The following FAM13C variants were observed in gnomAD, a reference collection of about 807,000 sequenced individuals.
FAM13C encodes the protein protein FAM13C.
Under a neutral mutation model 73.2 loss-of-function variants are expected in FAM13C, and 37 were observed. The ratio of observed to expected loss-of-function variants is 0.51; its 90% confidence interval spans 0.39 to 0.67. FAM13C has a LOEUF of 0.67. Ranked by LOEUF, FAM13C falls within the 30% of genes least tolerant of loss-of-function variation. FAM13C has a pLI of 0.00. For synonymous variants in FAM13C, 246 were observed against 260.9 expected (o/e 0.94, Z 0.55); for missense variants, 589 against 715.6 (o/e 0.82, Z 2.02).
chr10:59,319,466 A>T (rs894214733), intron 4 of FAM13C, among the ~76,000 whole-genome samples: 7 of 152,250 alleles, frequency 4.6e-5, no homozygotes, highest in African/African-American at 1.7e-4. Flanking sequence ...AATATTTTAA[A>T]TATAAGTGAG....
chr10:59,337,220 G>A (rs1472668718), intron 3 of FAM13C, among the ~76,000 whole-genome samples: 1 of 152,196 alleles, frequency 6.6e-6, no homozygotes, highest in East Asian at 1.9e-4. Context: ...AAATTAGCAA[G>A]GAAGAACTGT....
At chr10:59,332,461 G>T (rs1340712146) in intron 3 of FAM13C, among the ~76,000 whole-genome samples, 2 of 152,080 alleles carry the variant, frequency 1.3e-5, no homozygotes, top group Non-Finnish European at 1.5e-5. Flanking sequence ...ATGCAGAGTG[G>T]GTTGTCATGG....
intron 3 of FAM13C, among the ~76,000 whole-genome samples, chr10:59,341,517 G>A (rs1021451217): frequency 1.3e-5 from 2 of 151,978 alleles, no homozygotes; most frequent in Admixed American, 6.5e-5. Context: ...GAGAAACCCC[G>A]TCTCTACTGA....
chr10:59,331,798 A>T (rs1160174977), intron 3 of FAM13C, among the ~76,000 whole-genome samples: 1 of 152,248 alleles, frequency 6.6e-6, no homozygotes, highest in Non-Finnish European at 1.5e-5. Context: ...AGACCTGGTG[A>T]TTGACAGGAT....
intron 3 of FAM13C, among the ~76,000 whole-genome samples, chr10:59,350,114 G>T (rs919975504): frequency 6.6e-6 from 1 of 152,118 alleles, no homozygotes; most frequent in African/African-American, 2.4e-5. Flanking sequence ...GTCTTGCTTG[G>T]AATGGAAAGC....
chr10:59,299,238 A>T (rs974883057), intron 5 of FAM13C, among the ~76,000 whole-genome samples: 1 of 152,190 alleles, frequency 6.6e-6, no homozygotes, highest in African/African-American at 2.4e-5. Flanking sequence ...CAAATGTACA[A>T]TTATTATTTG....
intron 5 of FAM13C, among the ~76,000 whole-genome samples, chr10:59,298,184 G>A (rs1847144527): frequency 6.6e-6 from 1 of 152,166 alleles, no homozygotes; most frequent in Non-Finnish European, 1.5e-5. Context: ...GATAGTGATG[G>A]TCAATGCCAG....
chr10:59,269,958 C>A lies in FAM13C; in HGVS notation c.744G>T (p.Gln248His). ...SPRCSIFSQS[Q>H]RFNLDPESAP... The stretch of plus-strand genomic sequence containing the variant: ...CTGACTCGGGGTCTAAGTTGAATCT[C>A]TGGCTTTGGCTGAAGATGGAGCATC... Residue 248 changes from glutamine (Q) to histidine (H), a missense_variant, in exon 7 of 14, where the codon CAG becomes CAT. Gln to His is a conservative substitution (Grantham distance 24, BLOSUM62 0). Transcript: ENST00000618804. 1 of 1,613,996 alleles carries A rather than the reference C, an allele frequency of 6.2e-7. No homozygotes were observed.
intron 5 of FAM13C, among the ~76,000 whole-genome samples, chr10:59,294,210 C>G (rs1589492193): frequency 1.3e-5 from 2 of 152,326 alleles, no homozygotes; most frequent in East Asian, 3.9e-4. Context: ...CCCCGGGAGC[C>G]ACTGAACTGG....
At chr10:59,286,794 G>A (rs1479456090) in intron 5 of FAM13C, among the ~76,000 whole-genome samples, 1 of 151,486 alleles carries the variant, frequency 6.6e-6, no homozygotes, top group African/African-American at 2.4e-5. Flanking sequence ...AGCACTTTGG[G>A]AGGTCAAGGC....
chr10:59,279,433 C>A (rs1333344209), intron 6 of FAM13C, among the ~76,000 whole-genome samples: 3 of 152,062 alleles, frequency 2.0e-5, no homozygotes. Flanking sequence ...TAGTGTCTTA[C>A]CCAAATTGAA....
intron 4 of FAM13C, among the ~76,000 whole-genome samples, chr10:59,320,144 A>T (rs1850029280): frequency 6.6e-6 from 1 of 152,212 alleles, no homozygotes; most frequent in Non-Finnish European, 1.5e-5. Context: ...TCTACTCCTC[A>T]GCTCCAGCTA....
Position 59,265,659 on chromosome 10 carries a change from A to T in FAM13C, c.943-1493T>A, listed in dbSNP as rs558960624. On this transcript the variant is annotated intron_variant, in intron 8 of 13. Transcript: ENST00000618804. ...ACACAAAATCCTAAGGCCTTAAGCCAGTGACTGCAAAAGAAATAAGTTTTT... is the reference window on the plus strand; with the variant it reads ...ACACAAAATCCTAAGGCCTTAAGCCTGTGACTGCAAAAGAAATAAGTTTTT... 8.6e-4 allele frequency among the ~76,000 whole-genome samples: 131 copies of T among 152,322 alleles called. 3 individuals carry two copies. Among genetic ancestry groups the T allele is most frequent in the Non-Finnish European group, 1.3e-3 (90 of 68,014 alleles).
chr10:59,340,178 A>G (rs187888580), intron 3 of FAM13C, among the ~76,000 whole-genome samples: 4 of 152,340 alleles, frequency 2.6e-5, no homozygotes, highest in Admixed American at 2.6e-4. Flanking sequence ...ACAGGAAAAT[A>G]ATGCTCAAGA....
chr10:59,287,579 G>A (rs183132430), intron 5 of FAM13C, among the ~76,000 whole-genome samples: 156 of 152,102 alleles, frequency 1.0e-3, no homozygotes, highest in African/African-American at 3.5e-3. Context: ...CCCACAGAAC[G>A]AGAGGGAATG....
intron 5 of FAM13C, chr10:59,283,799 T>C (rs752468194): frequency 8.1e-6 from 4 of 493,036 alleles, no homozygotes; most frequent in Non-Finnish European, 1.1e-5. Flanking sequence ...TCTGAGAAGA[T>C]ATCTGCTTCC....
At chr10:59,267,792 T>C (rs1224367902) in intron 8 of FAM13C, among the ~76,000 whole-genome samples, 1 of 152,190 alleles carries the variant, frequency 6.6e-6, no homozygotes, top group Non-Finnish European at 1.5e-5. Context: ...TTCTCTTTTA[T>C]TCTAATAACA....
chr10:59,340,976 T>C (rs1853427498), intron 3 of FAM13C, among the ~76,000 whole-genome samples: 1 of 152,026 alleles, frequency 6.6e-6, no homozygotes, highest in Non-Finnish European at 1.5e-5. Context: ...TCAGTTTCAG[T>C]ACAGCTGAGA....
rs969473256 is a variant in FAM13C, at chr10:59,283,236, A to G, written c.592+127T>C. ...AGCAACTCCTGGGCAACTCAGAAGC[A>G]CCTCTTGGGCTTTCATGTTGCCCCA... On this transcript the variant is annotated intron_variant, in intron 6 of 13. Transcript: ENST00000618804. The G allele has an allele frequency of 5.3e-6, 5 of 944,376 alleles. No individual in the cohort carries two copies. The South Asian group carries it at 7.4e-5, about 14-fold the overall frequency. 58.5% of individuals were successfully genotyped at this position (944,376 alleles called of 1,614,324 possible). A position where few individuals can be genotyped will look rare whatever the true frequency, so the allele number is the denominator to read the frequency against.
Sources: allele counts gnomAD v4.1 joint callset (sites outside exome capture counted in the v4.1 genomes callset), GRCh38; gene constraint gnomAD v4.1.1; transcripts MANE v1.5; gene names NCBI Gene and HGNC (gene_info 2026-07-23, HGNC 2026-07-21).